The following SCAPER variants were observed in gnomAD, a reference collection of about 807,000 sequenced individuals.
SCAPER encodes the protein S-phase cyclin A associated protein in the ER.
Under a neutral mutation model 182.2 loss-of-function variants are expected in SCAPER, and 98 were observed. The ratio of observed to expected loss-of-function variants is 0.54; its 90% confidence interval spans 0.46 to 0.64. The LOEUF is 0.64. SCAPER is among the 30% of genes least tolerant of loss of function. The pLI, the probability that SCAPER is intolerant of heterozygous loss-of-function variation, is 0.00. For synonymous variants in SCAPER, 605 were observed against 564.6 expected, an observed-to-expected ratio of 1.07 and a Z score of -1.01; for missense variants, 1,432 against 1,690.0, an observed-to-expected ratio of 0.85 and a Z score of 2.68.
rs77991966 is a variant in SCAPER, at chr15:76,708,318, T to C, written c.2166-2334A>G. ...CCATGGTTGACTGAATCTGCAGATG[T>C]GGAACCTCTGGATAGAAAGAGCCAA... On this transcript the variant is annotated intron_variant, in intron 17 of 31. Coordinates refer to ENST00000563290, the MANE Select transcript of SCAPER (RefSeq NM_020843.4). 8.1e-3 allele frequency among the ~76,000 whole-genome samples: 1,240 copies of C among 152,222 alleles called. 12 individuals carry two copies. The highest frequency in any genetic ancestry group is 0.028 in the African/African-American group (1,176 of 41,540).
chr15:76,718,854 T>G (rs1254556884), intron 17 of SCAPER, among the ~76,000 whole-genome samples: 1 of 152,014 alleles, frequency 6.6e-6, no homozygotes, highest in Non-Finnish European at 1.5e-5. Context: ...CATTATGAAA[T>G]ACTAACTCAC....
At chr15:76,798,957 A>G (rs544287916) in intron 7 of SCAPER, among the ~76,000 whole-genome samples, 1 of 152,336 alleles carries the variant, frequency 6.6e-6, no homozygotes, top group Admixed American at 6.5e-5. Context: ...AGACTCCAGT[A>G]AAGGACTAGA....
intron 2 of SCAPER, among the ~76,000 whole-genome samples, chr15:76,872,906 C>T (rs1276673039): frequency 2.0e-5 from 3 of 151,838 alleles, no homozygotes; most frequent in Non-Finnish European, 4.4e-5. Context: ...CCTTTACATT[C>T]TCCAGGAAGT....
chr15:76,635,126 A>T (rs1214888761), intron 21 of SCAPER, among the ~76,000 whole-genome samples: 1 of 152,182 alleles, frequency 6.6e-6, no homozygotes, highest in Non-Finnish European at 1.5e-5. Context: ...AATGAAAACA[A>T]GGTAATTATT....
intron 25 of SCAPER, among the ~76,000 whole-genome samples, chr15:76,446,861 G>A (rs892094002): frequency 1.3e-5 from 2 of 152,074 alleles, no homozygotes; most frequent in Non-Finnish European, 2.9e-5. Flanking sequence ...AAAGAGATAC[G>A]CGTTCAATAG....
chr15:76,659,180 C>A (rs2055912149), intron 21 of SCAPER, among the ~76,000 whole-genome samples: 1 of 152,084 alleles, frequency 6.6e-6, no homozygotes, highest in African/African-American at 2.4e-5. Flanking sequence ...ATGAATCTGA[C>A]AAAGGTTTAA....
In SCAPER at chr15:76,348,484, A is replaced by G. The variant is rs1382956297; in HGVS notation, c.*149T>C. On this transcript the variant is annotated 3_prime_UTR_variant, in exon 32 of 32. Transcript: ENST00000563290. ...GTAGAACATTCAAGTATCTACAGTC[A>G]TTATAAATAGTGTAAAGTACATGCC... 2.0e-6 allele frequency: 1 copy of G among 500,296 alleles called. No individual in the cohort carries two copies. The highest frequency in any genetic ancestry group is 3.6e-6 in the Non-Finnish European group (1 of 281,414). 31.0% of individuals were successfully genotyped at this position (500,296 alleles called of 1,614,324 possible).
At chr15:76,838,022 C>T (rs183518997) in intron 5 of SCAPER, among the ~76,000 whole-genome samples, 3 of 152,260 alleles carry the variant, frequency 2.0e-5, no homozygotes, top group East Asian at 3.9e-4. Context: ...AACAGAACTA[C>T]CATTTGACCC....
chr15:76,513,283 T>A (rs2042184279), intron 23 of SCAPER, among the ~76,000 whole-genome samples: 1 of 152,132 alleles, frequency 6.6e-6, no homozygotes, highest in African/African-American at 2.4e-5. Context: ...ATATGATAGA[T>A]TAACACAACA....
At position 76,603,159 on chromosome 15, in the gene SCAPER, A is replaced by G. The variant is rs1456595790; in HGVS notation, c.2711+18605T>C. ...ATTAACTCGTCATTTAGCATTAGGT[A>G]TATCTCCTAATGATATCCCTCCCCC... On this transcript the variant is annotated intron_variant, in intron 22 of 31. Transcript: ENST00000563290. Among the ~76,000 whole-genome samples the G allele has an allele frequency of 5.0e-5, 6 of 118,948 alleles. 1 individual carries two copies. The East Asian group carries it at 9.0e-4, about 18-fold the overall frequency. 78.0% of individuals were successfully genotyped at this position (118,948 alleles called of 152,430 possible). A position where few individuals can be genotyped will look rare whatever the true frequency, so the allele number is the denominator to read the frequency against.
intron 8 of SCAPER, among the ~76,000 whole-genome samples, chr15:76,779,921 T>A (rs897978657): frequency 6.6e-6 from 1 of 152,174 alleles, no homozygotes; most frequent in Admixed American, 6.5e-5. Flanking sequence ...TCGACCAACA[T>A]GGGTGAATAG....
chr15:76,665,740 G>C lies in SCAPER; in HGVS notation c.2558C>G (p.Thr853Arg), dbSNP rs1475092782. ...ATCTTTCAAAGCTTCTGCTGGAGCTGTACTTTCAACCACAATGTCAATAAT... is the reference window on the plus strand; with the variant it reads ...ATCTTTCAAAGCTTCTGCTGGAGCTCTACTTTCAACCACAATGTCAATAAT... ...KYIIDIVVES[T>R]APAEALKDGE... Residue 853 changes from threonine to arginine, a missense_variant, in exon 21 of 32, where the codon ACA (threonine) becomes AGA (arginine). Coordinates refer to ENST00000563290, the MANE Select transcript of SCAPER (RefSeq NM_020843.4). 4.5e-6 allele frequency: 7 copies of C among 1,553,364 alleles called. No individual in the cohort carries two copies. The highest frequency in any genetic ancestry group is 5.2e-6 in the Non-Finnish European group (6 of 1,148,884).
chr15:76,550,473 C>T (rs1204890123), intron 23 of SCAPER, among the ~76,000 whole-genome samples: 1 of 152,120 alleles, frequency 6.6e-6, no homozygotes, highest in Non-Finnish European at 1.5e-5. Flanking sequence ...TGTTAGTTTG[C>T]TGAGGATGAT....
chr15:76,730,287 CT>C (rs573159665), intron 16 of SCAPER, among the ~76,000 whole-genome samples: 23 of 148,188 alleles, frequency 1.6e-4, no homozygotes, highest in Middle Eastern at 3.5e-3. Context: ...CTATTTCTTT[CT>C]TTTTTTTTTG....
chr15:76,512,981 AC>A (rs1464916343), intron 23 of SCAPER, among the ~76,000 whole-genome samples: 1 of 152,182 alleles, frequency 6.6e-6, no homozygotes, highest in Admixed American at 6.5e-5. Flanking sequence ...TAGAGATGCA[AC>A]AAGCCACCTC....
intron 27 of SCAPER, among the ~76,000 whole-genome samples, chr15:76,399,621 A>T (rs1408721616): frequency 6.6e-6 from 1 of 152,250 alleles, no homozygotes; most frequent in Non-Finnish European, 1.5e-5. Flanking sequence ...TAAGCCTGGT[A>T]CAAGTCATCA....
intron 27 of SCAPER, among the ~76,000 whole-genome samples, chr15:76,397,719 C>G (rs1018655503): frequency 1.3e-5 from 2 of 152,020 alleles, no homozygotes; most frequent in Non-Finnish European, 2.9e-5. Flanking sequence ...TCAGGTGATC[C>G]GCCCGCCTTG....
At chr15:76,497,558 GA>G (rs1407265764) in intron 24 of SCAPER, among the ~76,000 whole-genome samples, 3 of 152,042 alleles carry the variant, frequency 2.0e-5, no homozygotes, top group Admixed American at 2.0e-4. Flanking sequence ...CAAGAAAGAA[GA>G]AAAGGTAACA....
intron 17 of SCAPER, among the ~76,000 whole-genome samples, chr15:76,710,813 T>A (rs1457300465): frequency 6.6e-6 from 1 of 152,034 alleles, no homozygotes; most frequent in Non-Finnish European, 1.5e-5. Context: ...GAAGTTGGAG[T>A]ATTTATACTA....
Sources: allele counts gnomAD v4.1 joint callset (sites outside exome capture counted in the v4.1 genomes callset), GRCh38; gene constraint gnomAD v4.1.1; transcripts MANE v1.5; gene names NCBI Gene and HGNC (gene_info 2026-07-23, HGNC 2026-07-21).